Variants in SIK3 observed in about 807,000 individuals in gnomAD.
The protein encoded by SIK3 is serine/threonine-protein kinase SIK3.
Under a neutral mutation model 144.2 loss-of-function variants are expected in SIK3, and 28 were observed. The ratio of observed to expected loss-of-function variants is 0.19; its 90% CI spans 0.14 to 0.27. The LOEUF (loss-of-function observed/expected upper bound fraction) is 0.27. SIK3 is among the 10% of genes least tolerant of loss of function. The probability of loss-of-function intolerance (pLI) is 1.00; values close to 1 mark genes in which losing one functional copy is unlikely to be tolerated. For synonymous variants in SIK3, 686 were observed against 676.3 expected, an observed-to-expected ratio of 1.01 and a Z score of -0.22; for missense variants, 1,319 against 1,776.0, an observed-to-expected ratio of 0.74 and a Z score of 4.62.
intron 1 of SIK3, among the ~76,000 whole-genome samples, chr11:117,000,045 TGTAA>T (rs1391849986): frequency 3.3e-5 from 5 of 152,228 alleles, no homozygotes; most frequent in Middle Eastern, 3.2e-3. Context: ...GTGCATGATA[TGTAA>T]GTAAGGTAAA....
At position 117,098,139 on chromosome 11, in the gene SIK3, G is replaced by A; in HGVS notation, c.273+4C>T. The A allele has an allele frequency of 6.7e-7, 1 of 1,486,358 alleles. No individual in the cohort carries two copies. Among genetic ancestry groups the A allele is most frequent in the Non-Finnish European group, 9.0e-7 (1 of 1,116,354 alleles). 92.1% of individuals were successfully genotyped at this position (1,486,358 alleles called of 1,614,324 possible). A position where few individuals can be genotyped will look rare whatever the true frequency, so the allele number is the denominator to read the frequency against. Reference sequence around the variant, plus strand: ...CGACTGCCGCCTGGCCCCTGCGCCGGTACCTTGGCCTTGGTGACGAGGTGC... The same window carrying A: ...CGACTGCCGCCTGGCCCCTGCGCCGATACCTTGGCCTTGGTGACGAGGTGC... On this transcript the variant is annotated splice_donor_region_variant and intron_variant, in intron 1 of 24. Transcript: ENST00000445177.
At chr11:116,940,651 A>G (rs1307456290) in intron 3 of SIK3, among the ~76,000 whole-genome samples, 1 of 152,066 alleles carries the variant, frequency 6.6e-6, no homozygotes, top group East Asian at 1.9e-4. Context: ...GTTTTAGTGT[A>G]AAGTGAGGTC....
intron 1 of SIK3, among the ~76,000 whole-genome samples, chr11:117,019,727 C>A (rs945911050): frequency 6.6e-6 from 1 of 151,902 alleles, no homozygotes; most frequent in Non-Finnish European, 1.5e-5. Context: ...GATTCTCCTG[C>A]CTCAGCCTCC....
At chr11:116,857,316 G>A (rs563047003) in intron 21 of SIK3, 8 of 168,184 alleles carry the variant, frequency 4.8e-5, no homozygotes, top group African/African-American at 1.4e-4. Context: ...CAGATACACC[G>A]TAAGATACTC....
In SIK3 at chr11:117,039,276, A is replaced by T. The variant is rs1952643480; in HGVS notation, c.273+58867T>A. ...CCGAAAATAAAGCTCAACAATGAAA[A>T]AATATATTTTTTTAATTGTGTTTGT... On this transcript the variant is annotated intron_variant, in intron 1 of 24. Transcript: ENST00000445177. Among the ~76,000 whole-genome samples, 4 of 152,302 alleles carry T rather than the reference A, an allele frequency of 2.6e-5. No individual in the cohort carries two copies. In the South Asian group the frequency reaches 8.3e-4, roughly 32 times the overall value.
intron 4 of SIK3, among the ~76,000 whole-genome samples, chr11:116,920,214 CA>C (rs1291126267): frequency 3.3e-5 from 5 of 151,188 alleles, no homozygotes; most frequent in Non-Finnish European, 7.4e-5. Flanking sequence ...CACGCTGCTC[CA>C]ACTCAGTGCC....
intron 4 of SIK3, among the ~76,000 whole-genome samples, chr11:116,899,669 G>C (rs1945636002): frequency 6.6e-6 from 1 of 152,164 alleles, no homozygotes; most frequent in African/African-American, 2.4e-5. Context: ...GCAGATGGGA[G>C]GTAGCAGGGA....
At chr11:116,990,919 T>C (rs1456077618) in intron 1 of SIK3, among the ~76,000 whole-genome samples, 1 of 152,228 alleles carries the variant, frequency 6.6e-6, no homozygotes, top group Non-Finnish European at 1.5e-5. Flanking sequence ...TGAAAGCTGT[T>C]ACCACAAAAT....
intron 1 of SIK3, among the ~76,000 whole-genome samples, chr11:116,986,363 T>C (rs1242528797): frequency 1.3e-5 from 2 of 152,206 alleles, no homozygotes; most frequent in Admixed American, 6.5e-5. Context: ...AACAGATAAC[T>C]AGTCATTATT....
At chr11:116,936,665 C>G (rs979431231) in intron 3 of SIK3, among the ~76,000 whole-genome samples, 1 of 152,202 alleles carries the variant, frequency 6.6e-6, no homozygotes, top group Admixed American at 6.5e-5. Context: ...TATGCCTCCT[C>G]TTCTCTATCC....
intron 1 of SIK3, among the ~76,000 whole-genome samples, chr11:117,065,175 CAAT>C (rs969211734): frequency 1.5e-4 from 22 of 148,302 alleles, no homozygotes; most frequent in Admixed American, 4.1e-4. Context: ...ATAATAATAA[CAAT>C]AATAATAATA....
Position 116,920,759 on chromosome 11 carries a change from G to C in SIK3, c.616+6460C>G, listed in dbSNP as rs1946922124. Among the ~76,000 whole-genome samples, 3 of 152,126 alleles carry C rather than the reference G, an allele frequency of 2.0e-5. No homozygotes were observed. In the South Asian group the frequency reaches 6.2e-4, roughly 32 times the overall value. On this transcript the variant is annotated intron_variant, in intron 4 of 24. Transcript: ENST00000445177. ...CCTGAACTTCAGTTCGACAAAGCTGGGGAGCACCTGCTACAGAACAGGCAT... is the reference window on the plus strand; with the variant it reads ...CCTGAACTTCAGTTCGACAAAGCTGCGGAGCACCTGCTACAGAACAGGCAT...
chr11:116,940,735 G>C (rs893068534), intron 3 of SIK3, among the ~76,000 whole-genome samples: 1 of 150,166 alleles, frequency 6.7e-6, no homozygotes, highest in Non-Finnish European at 1.5e-5. Context: ...ACCCCCGCCA[G>C]CTCCCCTCCT....
chr11:116,896,633 G>A (rs1945414723), intron 5 of SIK3, among the ~76,000 whole-genome samples: 1 of 152,194 alleles, frequency 6.6e-6, no homozygotes, highest in South Asian at 2.1e-4. Flanking sequence ...TCTTGGCAAC[G>A]GCCCCCATCC....
chr11:116,917,447 T>C (rs1360075073), intron 4 of SIK3, among the ~76,000 whole-genome samples: 1 of 152,162 alleles, frequency 6.6e-6, no homozygotes, highest in Non-Finnish European at 1.5e-5. Context: ...CAGTAGCTCA[T>C]GCTTGTAATC....
chr11:117,064,518 A>G (rs956553369), intron 1 of SIK3, among the ~76,000 whole-genome samples: 1 of 152,170 alleles, frequency 6.6e-6, no homozygotes, highest in African/African-American at 2.4e-5. Flanking sequence ...CACAGATCAC[A>G]TTTCTTTTCT....
chr11:116,978,493 G>C (rs1028293898), intron 1 of SIK3, among the ~76,000 whole-genome samples: 2 of 151,786 alleles, frequency 1.3e-5, no homozygotes, highest in African/African-American at 4.8e-5. Context: ...TAAACTTTAT[G>C]CAAATAGAAT....
intron 4 of SIK3, among the ~76,000 whole-genome samples, chr11:116,922,907 C>T (rs12288386): frequency 0.02 from 2,046 of 101,988 alleles, 24 homozygotes; most frequent in Middle Eastern, 0.039. Flanking sequence ...TTTCTTTTCT[C>T]TTTTTTTTTT....
chr11:116,985,631 AAAAC>A (rs1242434633), intron 1 of SIK3, among the ~76,000 whole-genome samples: 3 of 152,198 alleles, frequency 2.0e-5, no homozygotes, highest in Admixed American at 2.0e-4. Flanking sequence ...ATGTCAAATA[AAAAC>A]AAACAAATAA....
Sources: allele counts gnomAD v4.1 joint callset (sites outside exome capture counted in the v4.1 genomes callset), GRCh38; gene constraint gnomAD v4.1.1; transcripts MANE v1.5; gene names NCBI Gene and HGNC (gene_info 2026-07-23, HGNC 2026-07-21).